NF1: variants seen among roughly 807,000 people sequenced by gnomAD.
The protein encoded by NF1 is neurofibromin 1.
A neutral mutation model predicts 325.7 loss-of-function variants in NF1; 122 were observed. The observed-to-expected ratio is 0.37, with a 90% CI of 0.32 to 0.44. The LOEUF (loss-of-function observed/expected upper bound fraction) is 0.44, where lower values mean the gene tolerates loss of function less well. NF1 is among the 20% of genes least tolerant of loss of function. The probability of loss-of-function intolerance (pLI) is 1.00; values close to 1 mark genes in which losing one functional copy is unlikely to be tolerated. For missense variants in NF1, 2,140 were observed against 3,415.4 expected, an observed-to-expected ratio of 0.63 and a Z score of 9.31; for synonymous variants, 1,091 against 1,186.0, an observed-to-expected ratio of 0.92 and a Z score of 1.65.
chr17:31,235,023 G>C (rs1028494592), intron 27 of NF1, among the ~76,000 whole-genome samples: 3 of 152,146 alleles, frequency 2.0e-5, no homozygotes, highest in African/African-American at 7.2e-5. Context: ...GTAATAGATA[G>C]AAATTTCAGC....
chr17:31,368,807 A>G (rs1375646172), intron 57 of NF1, among the ~76,000 whole-genome samples: 6 of 152,248 alleles, frequency 3.9e-5, no homozygotes, highest in Non-Finnish European at 1.5e-5. Flanking sequence ...TAATTGCCAG[A>G]TTAAGAATTA....
chr17:31,336,154 A>C lies in NF1; in HGVS notation c.6007-179A>C, dbSNP rs10853138. Among the ~76,000 whole-genome samples, 135,822 of 152,090 alleles carry C rather than the reference A, an allele frequency of 0.89. 60,811 individuals are homozygous for C. The highest frequency in any genetic ancestry group is 0.95 in the South Asian group (4,595 of 4,826). On this transcript the variant is annotated intron_variant, in intron 40 of 57. Transcript: ENST00000358273. The surrounding 1 kb of genome is among the most constrained non-coding windows in gnomAD (Gnocchi z 5.5). ...AGTCAAATGAATATACTCATCCTTTACTGGATATTTTATAATAAATTGTAT... is the reference window on the plus strand; with the variant it reads ...AGTCAAATGAATATACTCATCCTTTCCTGGATATTTTATAATAAATTGTAT...
chr17:31,364,030 G>A (rs935596243), intron 57 of NF1, among the ~76,000 whole-genome samples: 2 of 151,874 alleles, frequency 1.3e-5, no homozygotes, highest in African/African-American at 2.4e-5. Context: ...CTTGAGCCAC[G>A]GCGCTCAGCC....
chr17:31,121,046 G>T (rs1039832546), intron 1 of NF1, among the ~76,000 whole-genome samples: 2 of 152,116 alleles, frequency 1.3e-5, no homozygotes, highest in South Asian at 4.1e-4. Flanking sequence ...CAACAACCAT[G>T]TATTAGTTTC....
intron 1 of NF1, among the ~76,000 whole-genome samples, chr17:31,147,567 A>G (rs571300766): frequency 1.1e-3 from 132 of 122,340 alleles, no homozygotes; most frequent in African/African-American, 3.1e-3. Context: ...ATCTAGTGAA[A>G]TTGCTGAATG....
At chr17:31,192,625 C>G (rs1396944732) in intron 8 of NF1, among the ~76,000 whole-genome samples, 3 of 152,076 alleles carry the variant, frequency 2.0e-5, no homozygotes, top group Admixed American at 2.0e-4. Flanking sequence ...CGATTAATCT[C>G]CTGGATCTGG....
At chr17:31,168,646 G>T (rs971790406) in intron 4 of NF1, among the ~76,000 whole-genome samples, 3 of 152,024 alleles carry the variant, frequency 2.0e-5, no homozygotes, top group Non-Finnish European at 2.9e-5. Flanking sequence ...TGGCTGGGGG[G>T]GGACAAGAAT....
At chr17:31,302,810 A>T (rs1388917327) in intron 36 of NF1, among the ~76,000 whole-genome samples, 1 of 152,146 alleles carries the variant, frequency 6.6e-6, no homozygotes, top group Non-Finnish European at 1.5e-5. Context: ...ATGCCACTGC[A>T]CTCCAGCGTG....
intron 11 of NF1, among the ~76,000 whole-genome samples, chr17:31,204,228 T>C (rs1330377833): frequency 6.6e-6 from 1 of 152,170 alleles, no homozygotes. Flanking sequence ...TTCTGTTTTT[T>C]CCTTACGACA....
rs17884979 is a variant in NF1 at position 31,313,574 on chromosome 17, T to C, written c.4836-12246T>C. The stretch of plus-strand genomic sequence containing the variant: ...CAAAAAAATTAGCCAGGCGTGGTGG[T>C]GGGCGCCTGTAATCCGAGCTACTTG... On this transcript the variant is annotated intron_variant, in intron 36 of 57. Coordinates refer to ENST00000358273, the MANE Select transcript of NF1 (RefSeq NM_001042492.3). 1.6e-3 allele frequency among the ~76,000 whole-genome samples: 249 copies of C among 151,782 alleles called. 1 individual carries two copies. The highest frequency in any genetic ancestry group is 5.8e-3 in the African/African-American group (239 of 41,392).
In NF1 at chr17:31,349,817, G is replaced by A. The variant is rs564194146; in HGVS notation, c.7322-366G>A. 4.6e-5 allele frequency among the ~76,000 whole-genome samples: 7 copies of A among 152,138 alleles called. 1 individual carries two copies. Among genetic ancestry groups the A allele is most frequent in the Non-Finnish European group, 1.0e-4 (7 of 67,982 alleles). ...AGCACTTATGTACAATACAATTCTTGAACATAGTTGTTTGATAGAAAGTGC... is the reference window on the plus strand; with the variant it reads ...AGCACTTATGTACAATACAATTCTTAAACATAGTTGTTTGATAGAAAGTGC... On this transcript the variant is annotated intron_variant, in intron 49 of 57. Transcript: ENST00000358273.
intron 25 of NF1, among the ~76,000 whole-genome samples, 153 bp from the exon 26 acceptor site, chr17:31,232,547 A>G (rs1175282467): frequency 2.6e-5 from 4 of 152,220 alleles, no homozygotes; most frequent in East Asian, 1.9e-4. Context: ...ACACTTCATA[A>G]TAAGCCACCC....
chr17:31,319,120 T>TTG, intron 36 of NF1: 2 of 1,295,482 alleles, frequency 1.5e-6, no homozygotes, highest in Non-Finnish European at 2.1e-6. Flanking sequence ...ATGTTACAAG[T>TTG]AAACTACAAG....
At chr17:31,349,808 A>G (rs2854314) in intron 49 of NF1, among the ~76,000 whole-genome samples, 1 of 152,212 alleles carries the variant, frequency 6.6e-6, no homozygotes, top group Admixed American at 6.5e-5. Context: ...TATGTACAAT[A>G]CAATTCTTGA....
rs587782168 is a variant in NF1 at position 31,356,988 on chromosome 17, G to C, written c.7767G>C (p.Gln2589His). 1 of 1,613,876 alleles carries C rather than the reference G, an allele frequency of 6.2e-7. No homozygotes were observed. ...METQRISSSQ[Q>H]HPHLRKVSVS... is the part of the protein sequence containing the mutation. ...CTCAGAGGATTTCCTCATCACAACA[G>C]CACCCACATTTACGTAAAGTTTCAG... is the stretch of plus-strand genomic sequence containing the variant. Residue 2589 changes from glutamine to histidine, a missense_variant, in exon 53 of 58, where the codon CAG becomes CAC. Coordinates refer to ENST00000358273, the MANE Select transcript of NF1 (RefSeq NM_001042492.3).
chr17:31,259,267 T>A, intron 33 of NF1, 138 bp downstream of exon 33: 4 of 588,946 alleles, frequency 6.8e-6, no homozygotes, highest in Non-Finnish European at 1.3e-5. Context: ...ACATAGCTTG[T>A]CTTATTTTAT....
intron 8 of NF1, among the ~76,000 whole-genome samples, chr17:31,185,661 A>C (rs2066225046): frequency 6.6e-6 from 1 of 152,192 alleles, no homozygotes; most frequent in South Asian, 2.1e-4. Context: ...TGGAGGCACC[A>C]TTCCTCATTT....
intron 29 of NF1, 77 bp downstream of exon 29, chr17:31,236,098 A>G: frequency 9.7e-7 from 1 of 1,031,140 alleles, no homozygotes; most frequent in Non-Finnish European, 1.5e-6. Context: ...ACACTGCATG[A>G]AGCAAGGCAC....
At chr17:31,296,721 C>T (rs1245903164) in intron 36 of NF1, 12 of 230,680 alleles carry the variant, frequency 5.2e-5, no homozygotes, top group Non-Finnish European at 1.0e-4. Context: ...TGCTTTCTTA[C>T]TCAGATGAGA....
Sources: allele counts gnomAD v4.1 joint callset (sites outside exome capture counted in the v4.1 genomes callset), GRCh38; gene constraint gnomAD v4.1.1; non-coding constraint Gnocchi (gnomAD v3.1); transcripts MANE v1.5; gene names NCBI Gene and HGNC (gene_info 2026-07-23, HGNC 2026-07-21).